Variants in GRIA1 observed in about 807,000 individuals in gnomAD.
The protein encoded by GRIA1 is glutamate receptor 1.
In GRIA1, 31 loss-of-function variants were observed where a neutral mutation model predicts 99.2. The ratio of observed to expected loss-of-function variants is 0.31; its 90% CI spans 0.23 to 0.42. The LOEUF (loss-of-function observed/expected upper bound fraction) is 0.42, where lower values mean the gene tolerates loss of function less well. Among genes scored for constraint, GRIA1 ranks in the 10% least tolerant of loss-of-function variants. The pLI, the probability that GRIA1 is intolerant of heterozygous loss-of-function variation, is 1.00. For missense variants in GRIA1, 782 were observed against 1,157.5 expected, an observed-to-expected ratio of 0.68 and a Z score of 4.71; for synonymous variants, 438 against 432.4, an observed-to-expected ratio of 1.01 and a Z score of -0.16.
chr5:153,764,375 C>A (rs1248912211), intron 11 of GRIA1, 59 bp from the exon 12 acceptor site: 9 of 1,363,308 alleles, frequency 6.6e-6, no homozygotes, highest in Non-Finnish European at 9.5e-6. Flanking sequence ...TCAGTCCCTC[C>A]CCAGAGCTTT....
intron 2 of GRIA1, among the ~76,000 whole-genome samples, chr5:153,597,695 A>T (rs1764546403): frequency 6.6e-6 from 1 of 152,128 alleles, no homozygotes; most frequent in Non-Finnish European, 1.5e-5. Flanking sequence ...TGGCTAAAAA[A>T]CCATACTTGC....
In GRIA1 at chr5:153,760,337, G is replaced by A. The variant is rs935022312; in HGVS notation, c.1824-4097G>A. ...AAGCTAATAGAAATTCAACAAAGTTGCAGGGTATAAAATCAAAATACAAAA... is the reference window on the plus strand; with the variant it reads ...AAGCTAATAGAAATTCAACAAAGTTACAGGGTATAAAATCAAAATACAAAA... On this transcript the variant is annotated intron_variant, in intron 11 of 15. Transcript: ENST00000285900. Among the ~76,000 whole-genome samples, 3 of 151,966 alleles carry A rather than the reference G, an allele frequency of 2.0e-5. No homozygotes were observed. In the South Asian group the frequency reaches 6.2e-4, roughly 31 times the overall value.
In GRIA1 at chr5:153,523,455, A is replaced by G. The variant is rs1428754338; in HGVS notation, c.220+29390A>G. Among the ~76,000 whole-genome samples the G allele has an allele frequency of 2.0e-5, 3 of 151,518 alleles. No homozygotes were observed. In the East Asian group the frequency reaches 5.8e-4, roughly 29 times the overall value. ...TTCAGGGCTGAACTTCCACAGTACT[A>G]CTCATTTGGCTGAACTTTACTACTC... is the stretch of plus-strand genomic sequence containing the variant. On this transcript the variant is annotated intron_variant, in intron 2 of 15. Transcript: ENST00000285900.
chr5:153,628,813 C>T (rs534201196), intron 2 of GRIA1, among the ~76,000 whole-genome samples: 1 of 152,124 alleles, frequency 6.6e-6, no homozygotes, highest in Non-Finnish European at 1.5e-5. Context: ...TAAAGTCCTA[C>T]CTTGGATGGT....
chr5:153,706,232 A>T (rs1214932197), intron 11 of GRIA1, 165 bp downstream of exon 11: 1 of 686,762 alleles, frequency 1.5e-6, no homozygotes, highest in Non-Finnish European at 2.5e-6. Flanking sequence ...CACGCTGTGG[A>T]TTATCTGGAT....
At chr5:153,610,217 C>T (rs1426197993) in intron 2 of GRIA1, among the ~76,000 whole-genome samples, 1 of 152,090 alleles carries the variant, frequency 6.6e-6, no homozygotes, top group Non-Finnish European at 1.5e-5. Flanking sequence ...TGTGTATCTC[C>T]CAGGGAGTGT....
chr5:153,573,551 G>C (rs1246341646), intron 2 of GRIA1, among the ~76,000 whole-genome samples: 2 of 152,064 alleles, frequency 1.3e-5, no homozygotes, highest in Non-Finnish European at 2.9e-5. Flanking sequence ...CCAGGGGTGA[G>C]GGATCTAGTT....
In GRIA1 at chr5:153,620,232, A is replaced by G. The variant is rs555365985; in HGVS notation, c.221-26696A>G. Among the ~76,000 whole-genome samples the G allele has an allele frequency of 3.0e-3, 455 of 152,266 alleles. 3 individuals are homozygous for G. The highest frequency in any genetic ancestry group is 3.1e-3 in the Non-Finnish European group (212 of 68,020). ...CATGCCGAAATGAGCACTGGAAAACATAGAAGGAACTAGATGCTCTTCTAG... is the reference window on the plus strand; with the variant it reads ...CATGCCGAAATGAGCACTGGAAAACGTAGAAGGAACTAGATGCTCTTCTAG... On this transcript the variant is annotated intron_variant, in intron 2 of 15. Coordinates refer to ENST00000285900, the MANE Select transcript of GRIA1 (RefSeq NM_000827.4).
chr5:153,661,662 CAATGAATGAATG>C (rs376904338), intron 5 of GRIA1, among the ~76,000 whole-genome samples: 1 of 151,794 alleles, frequency 6.6e-6, no homozygotes, highest in Non-Finnish European at 1.5e-5. Flanking sequence ...TTTAAAAAGT[CAATGAATGAATG>C]AATGAATGAA....
Position 153,542,465 on chromosome 5 carries a change from A to G in GRIA1, c.220+48400A>G, listed in dbSNP as rs545711442. 3.3e-5 allele frequency among the ~76,000 whole-genome samples: 5 copies of G among 152,360 alleles called. No homozygotes were observed. The East Asian group carries it at 9.6e-4, about 29-fold the overall frequency. On this transcript the variant is annotated intron_variant, in intron 2 of 15. Coordinates refer to ENST00000285900, the MANE Select transcript of GRIA1 (RefSeq NM_000827.4). ...TTACTTCAGATGTATAATAAATGAC[A>G]TCCCATGAGAATGGCTTGACAGCAG... is the stretch of plus-strand genomic sequence containing the variant.
intron 13 of GRIA1, among the ~76,000 whole-genome samples, chr5:153,778,253 G>A (rs1764402237): frequency 6.6e-6 from 1 of 151,282 alleles, no homozygotes; most frequent in South Asian, 2.1e-4. Flanking sequence ...GGTTTGCAAA[G>A]GAGAGAAGCT....
intron 6 of GRIA1, among the ~76,000 whole-genome samples, chr5:153,675,166 G>A (rs1756480891): frequency 6.6e-6 from 1 of 152,172 alleles, no homozygotes; most frequent in Non-Finnish European, 1.5e-5. Flanking sequence ...CCCCCAGTTG[G>A]CTGCAAGGGA....
chr5:153,582,530 C>T (rs1468316907), intron 2 of GRIA1, among the ~76,000 whole-genome samples: 2 of 152,116 alleles, frequency 1.3e-5, no homozygotes, highest in African/African-American at 4.8e-5. Context: ...CCTTGAAGAC[C>T]TTTCTTCTTT....
intron 13 of GRIA1, among the ~76,000 whole-genome samples, chr5:153,782,674 T>C (rs1314793303): frequency 6.6e-6 from 1 of 152,132 alleles, no homozygotes; most frequent in African/African-American, 2.4e-5. Context: ...TAAGAATTAA[T>C]ATCTTGCCCA....
At chr5:153,715,801 A>G (rs7442922) in intron 11 of GRIA1, among the ~76,000 whole-genome samples, 1 of 152,194 alleles carries the variant, frequency 6.6e-6, no homozygotes, top group Non-Finnish European at 1.5e-5. Flanking sequence ...GAGGGGTTGT[A>G]TGTTCTAAAT....
chr5:153,509,289 AAG>A (rs1159698170), intron 2 of GRIA1, among the ~76,000 whole-genome samples: 1 of 152,206 alleles, frequency 6.6e-6, no homozygotes, highest in African/African-American at 2.4e-5. Context: ...ATTTTGAAGA[AAG>A]TATGCACAGG....
At chr5:153,502,339 G>T (rs1192772949) in intron 2 of GRIA1, among the ~76,000 whole-genome samples, 1 of 152,198 alleles carries the variant, frequency 6.6e-6, no homozygotes, top group Non-Finnish European at 1.5e-5. Context: ...GCAGTGACAA[G>T]AATAAGCCTG....
At chr5:153,728,214 C>T (rs553136880) in intron 11 of GRIA1, among the ~76,000 whole-genome samples, 1 of 152,162 alleles carries the variant, frequency 6.6e-6, no homozygotes. Flanking sequence ...CTCCCTTACA[C>T]CTTATACAAA....
intron 11 of GRIA1, chr5:153,755,318 A>C (rs1762755485): frequency 6.6e-6 from 1 of 152,308 alleles, no homozygotes; most frequent in Non-Finnish European, 1.5e-5. Context: ...CAGTAGGGGC[A>C]TAGAGGACTG....
Sources: gnomAD v4.1 joint callset for allele counts (sites outside exome capture counted in the v4.1 genomes callset) on GRCh38, gnomAD v4.1.1 for gene constraint, MANE v1.5 for transcripts, NCBI Gene and HGNC (gene_info 2026-07-23, HGNC 2026-07-21) for gene names.